The following PDK1 variants were observed in gnomAD, a reference collection of about 807,000 sequenced individuals.
PDK1 encodes the protein [Pyruvate dehydrogenase (acetyl-transferring)] kinase isozyme 1, mitochondrial.
PDK1 carries 39 observed loss-of-function variants against 54.2 expected under a neutral mutation model. The observed-to-expected ratio is 0.72, with a 90% confidence interval of 0.56 to 0.94. The LOEUF is 0.94. Among genes scored for constraint, PDK1 ranks in the 40% least tolerant of loss-of-function variants. The pLI is 0.00. For synonymous variants in PDK1, 221 were observed against 207.1 expected (o/e 1.07, Z -0.58); for missense variants, 552 against 566.0 (o/e 0.98, Z 0.25).
At chr2:172,707,475 G>A in the PDK1 span, among the ~76,000 whole-genome samples, 2 of 152,164 alleles carry the variant, frequency 1.3e-5, no homozygotes, top group African/African-American at 4.8e-5. Flanking sequence ...AGAGAGCAGA[G>A]GTTTGTTGGG....
the PDK1 span, among the ~76,000 whole-genome samples, chr2:172,708,337 G>T: frequency 3.3e-5 from 5 of 151,756 alleles, no homozygotes; most frequent in African/African-American, 1.2e-4. Context: ...TTAAAACTAT[G>T]GTTGCTAGTA....
At chr2:172,642,012 G>A in the PDK1 span, among the ~76,000 whole-genome samples, 2 of 152,042 alleles carry the variant, frequency 1.3e-5, no homozygotes, top group African/African-American at 2.4e-5. Flanking sequence ...CAACAATAAC[G>A]TCATAATTAA....
chr2:172,648,484 C>G, the PDK1 span, among the ~76,000 whole-genome samples: 1 of 152,170 alleles, frequency 6.6e-6, no homozygotes, highest in Non-Finnish European at 1.5e-5. Context: ...CTGGGTTCAT[C>G]TCACTGTGGC....
At position 172,605,823 on chromosome 2, in the gene PDK1, G is replaced by A. The variant is rs1285434826; in HGVS notation, c.*9854G>A. The A allele has an allele frequency of 2.0e-5, 3 of 152,062 alleles. No individual in the cohort carries two copies. Among genetic ancestry groups the A allele is most frequent in the African/African-American group, 7.2e-5 (3 of 41,392 alleles). 9.4% of individuals were successfully genotyped at this position (152,062 alleles called of 1,614,324 possible). Reference sequence around the variant, plus strand: ...CTTTGCTTCTCTCTGACCAACATAGGGGCAGGATCTGTGGAAAGACATTTA... The same window carrying A: ...CTTTGCTTCTCTCTGACCAACATAGAGGCAGGATCTGTGGAAAGACATTTA... On this transcript the variant is annotated 3_prime_UTR_variant, in exon 11 of 11. Transcript: ENST00000282077.
intron 1 of PDK1, chr2:172,558,225 T>C (rs566895548): frequency 3.9e-5 from 6 of 152,706 alleles, no homozygotes; most frequent in Admixed American, 2.6e-4. Context: ...ATCAATTAGT[T>C]GTAAATACCA....
chr2:172,692,833 C>T, the PDK1 span, among the ~76,000 whole-genome samples: 2 of 152,220 alleles, frequency 1.3e-5, no homozygotes, highest in Non-Finnish European at 2.9e-5. Flanking sequence ...TGGTTGCACA[C>T]TTGGTTCACC....
downstream of PDK1, among the ~76,000 whole-genome samples, chr2:172,609,916 G>C (rs377679577): frequency 6.6e-6 from 1 of 152,106 alleles, no homozygotes; most frequent in African/African-American, 2.4e-5. Flanking sequence ...CCGCCTCCTA[G>C]GTTCAAATGA....
At chr2:172,579,469 A>G (rs1271229180) in intron 8 of PDK1, among the ~76,000 whole-genome samples, 1 of 151,274 alleles carries the variant, frequency 6.6e-6, no homozygotes, top group African/African-American at 2.4e-5. Context: ...GTTAATTTCC[A>G]GAATTCTGTC....
At chr2:172,591,806 C>A (rs1690603808) in intron 9 of PDK1, among the ~76,000 whole-genome samples, 1 of 152,158 alleles carries the variant, frequency 6.6e-6, no homozygotes, top group African/African-American at 2.4e-5. Flanking sequence ...ATTAATAAGA[C>A]CTCGTTCAGT....
chr2:172,712,667 C>A, the PDK1 span, among the ~76,000 whole-genome samples: 1 of 152,166 alleles, frequency 6.6e-6, no homozygotes, highest in Non-Finnish European at 1.5e-5. Flanking sequence ...ATACCAGGAA[C>A]CACAGAGCCC....
the PDK1 span, among the ~76,000 whole-genome samples, chr2:172,668,830 T>C: frequency 2.0e-5 from 3 of 146,818 alleles, no homozygotes; most frequent in African/African-American, 7.5e-5. Flanking sequence ...TATACACACA[T>C]ATGTATGTAT....
At chr2:172,643,608 C>T in the PDK1 span, among the ~76,000 whole-genome samples, 2 of 152,162 alleles carry the variant, frequency 1.3e-5, no homozygotes, top group African/African-American at 4.8e-5. Flanking sequence ...GTGTGCACCC[C>T]TAGACTCAAG....
the PDK1 span, among the ~76,000 whole-genome samples, chr2:172,684,228 C>G: frequency 0.029 from 4,456 of 152,168 alleles, 105 homozygotes; most frequent in South Asian, 0.11. Context: ...TGAGACCAGC[C>G]TGAGAAACAT....
chr2:172,587,500 C>T (rs1475315361), intron 9 of PDK1, among the ~76,000 whole-genome samples: 7 of 142,442 alleles, frequency 4.9e-5, no homozygotes, highest in Non-Finnish European at 7.7e-5. Flanking sequence ...TTCGTGGTCT[C>T]GGTGGCTTCA....
Position 172,601,312 on chromosome 2 carries a change from AT to A in PDK1, c.*5347del, listed in dbSNP as rs1691108098. 1 of 152,188 alleles carries A rather than the reference AT, an allele frequency of 6.6e-6. No individual in the cohort carries two copies. The allele number at this position is 152,188 out of a possible 1,614,324, so 9.4% of individuals were successfully genotyped here. On this transcript the variant is annotated 3_prime_UTR_variant, in exon 11 of 11. Coordinates refer to ENST00000282077, the MANE Select transcript of PDK1 (RefSeq NM_002610.5). ...ACAGCACTGCTAAAGTTACGGGTTT[AT>A]TTTAAAGTTTAAAATAGAAGTAAAC...
At chr2:172,632,980 C>CAAAAAAAAAAAAAAA in the PDK1 span, among the ~76,000 whole-genome samples, 5 of 75,458 alleles carry the variant, frequency 6.6e-5, no homozygotes, top group East Asian at 5.1e-4. Flanking sequence ...GATTCTGTCT[C>CAAAAAAAAAAAAAAA]AAAAAAAAAA....
chr2:172,586,593 T>G (rs1690244722), intron 9 of PDK1, among the ~76,000 whole-genome samples: 1 of 152,188 alleles, frequency 6.6e-6, no homozygotes, highest in Non-Finnish European at 1.5e-5. Flanking sequence ...GACAGAGATT[T>G]GGAGTTCTTG....
At chr2:172,566,528 G>T (rs1471578837) in intron 5 of PDK1, among the ~76,000 whole-genome samples, 2 of 152,116 alleles carry the variant, frequency 1.3e-5, no homozygotes, top group East Asian at 3.9e-4. Flanking sequence ...CTGCACTCCA[G>T]CCTGGTTGAT....
chr2:172,685,700 G>A, the PDK1 span, among the ~76,000 whole-genome samples: 1 of 152,262 alleles, frequency 6.6e-6, no homozygotes, highest in African/African-American at 2.4e-5. Flanking sequence ...CCTGATAAAT[G>A]CACCCGATAC....
Sources: gnomAD v4.1 joint callset for allele counts (sites outside exome capture counted in the v4.1 genomes callset) on GRCh38, gnomAD v4.1.1 for gene constraint, MANE v1.5 for transcripts, NCBI Gene and HGNC (gene_info 2026-07-23, HGNC 2026-07-21) for gene names.